Variants in AOAH observed in about 807,000 individuals in gnomAD.
AOAH encodes acyloxyacyl hydrolase.
A neutral mutation model predicts 92.2 loss-of-function variants in AOAH; 64 were observed. The ratio of observed to expected loss-of-function variants is 0.69; its 90% CI spans 0.57 to 0.86. The LOEUF is 0.86. AOAH is among the 40% of genes least tolerant of loss of function. The pLI is 0.00. For synonymous variants in AOAH, 263 were observed against 254.5 expected (o/e 1.03, Z -0.32); for missense variants, 656 against 694.6 (o/e 0.94, Z 0.62).
Position 36,674,160 on chromosome 7 carries a change from T to A in AOAH, c.224-151A>T, listed in dbSNP as rs150276537. On this transcript the variant is annotated intron_variant, in intron 2 of 20. Transcript: ENST00000617537. ...GATTTGAAGGAAATGTTTCAGCTAA[T>A]GTATGCATTAAATATCACTTCTATC... 369 of 592,820 alleles carry A rather than the reference T, an allele frequency of 6.2e-4. 1 individual carries two copies. In the African/African-American group the frequency reaches 6.5e-3, roughly 10 times the overall value. 36.7% of individuals were successfully genotyped at this position (592,820 alleles called of 1,614,324 possible).
At chr7:36,655,669 C>T (rs73689812) in intron 4 of AOAH, among the ~76,000 whole-genome samples, 1 of 152,070 alleles carries the variant, frequency 6.6e-6, no homozygotes, top group Non-Finnish European at 1.5e-5. Flanking sequence ...ATCAGTGAGG[C>T]CTTCACATGA....
At position 36,546,843 on chromosome 7, in the gene AOAH, G is replaced by A. The variant is rs1785834106; in HGVS notation, c.1133+1769C>T. Among the ~76,000 whole-genome samples the A allele has an allele frequency of 2.6e-5, 4 of 152,314 alleles. No homozygotes were observed. In the South Asian group the frequency reaches 8.3e-4, roughly 32 times the overall value. On this transcript the variant is annotated intron_variant, in intron 15 of 20. Coordinates refer to ENST00000617537, the MANE Select transcript of AOAH (RefSeq NM_001637.4). ...TTTCCTCTTCCATTAGCTCCTTGAT[G>A]TCAGGGACTGTGGCTTCTTTGTCAT...
intron 11 of AOAH, among the ~76,000 whole-genome samples, chr7:36,601,646 A>C (rs1790611081): frequency 6.6e-6 from 1 of 152,268 alleles, no homozygotes; most frequent in Non-Finnish European, 1.5e-5. Flanking sequence ...CATGACGTTT[A>C]GACTTGTAAG....
At chr7:36,532,586 T>C (rs1784765331) in intron 16 of AOAH, among the ~76,000 whole-genome samples, 2 of 152,182 alleles carry the variant, frequency 1.3e-5, no homozygotes, top group African/African-American at 2.4e-5. Context: ...GCTGTGGGCA[T>C]GGGCCTGGAT....
chr7:36,569,493 CTAT>C (rs1787948810), intron 13 of AOAH, among the ~76,000 whole-genome samples: 1 of 151,630 alleles, frequency 6.6e-6, no homozygotes, highest in Non-Finnish European at 1.5e-5. Flanking sequence ...ATCTATCTAT[CTAT>C]CTATCTATCT....
chr7:36,658,177 G>T (rs979597204), intron 4 of AOAH, among the ~76,000 whole-genome samples: 1 of 152,022 alleles, frequency 6.6e-6, no homozygotes, highest in African/African-American at 2.4e-5. Flanking sequence ...AAATATACAC[G>T]TTCCTCAGGT....
At chr7:36,526,238 T>C (rs1293080161) in intron 19 of AOAH, among the ~76,000 whole-genome samples, 1 of 152,006 alleles carries the variant, frequency 6.6e-6, no homozygotes. Flanking sequence ...GACTACAACC[T>C]GTTTATTTAC....
At chr7:36,549,350 T>C in intron 14 of AOAH, 89 bp downstream of exon 14, 1 of 1,018,904 alleles carries the variant, frequency 9.8e-7, no homozygotes, top group South Asian at 1.3e-5. Flanking sequence ...TTATGCTCAG[T>C]AAAAATGATT....
chr7:36,722,211 A>G lies in AOAH; in HGVS notation c.127+1811T>C, dbSNP rs574254258. On this transcript the variant is annotated intron_variant, in intron 1 of 20. Coordinates refer to ENST00000617537, the MANE Select transcript of AOAH (RefSeq NM_001637.4). ...TAAAATCATAATACAACAAATGGTT[A>G]TTATTGTAATTTTTGATGCAGCAAT... Among the ~76,000 whole-genome samples the G allele has an allele frequency of 2.0e-5, 3 of 152,330 alleles. No individual in the cohort carries two copies. In the East Asian group the frequency reaches 5.8e-4, roughly 29 times the overall value.
chr7:36,626,413 C>T (rs1428846733), intron 6 of AOAH, among the ~76,000 whole-genome samples: 1 of 152,122 alleles, frequency 6.6e-6, no homozygotes, highest in African/African-American at 2.4e-5. Flanking sequence ...TTTAAAGGCC[C>T]CAAGTGACTG....
At chr7:36,720,384 G>A (rs969893193) in intron 1 of AOAH, among the ~76,000 whole-genome samples, 5 of 151,574 alleles carry the variant, frequency 3.3e-5, no homozygotes, top group African/African-American at 1.2e-4. Context: ...TATTGACCAG[G>A]CAGGTCTCAA....
chr7:36,624,641 C>T (rs1016053212), intron 6 of AOAH, among the ~76,000 whole-genome samples: 11 of 152,208 alleles, frequency 7.2e-5, no homozygotes, highest in East Asian at 1.9e-4. Context: ...GGAGGAGGAG[C>T]GGAGAAGTTG....
chr7:36,581,991 T>G (rs1393433644), intron 12 of AOAH, among the ~76,000 whole-genome samples: 1 of 152,188 alleles, frequency 6.6e-6, no homozygotes, highest in Non-Finnish European at 1.5e-5. Flanking sequence ...TATAATATTT[T>G]GATATGCCTG....
chr7:36,619,555 G>A (rs1310146606), intron 9 of AOAH, among the ~76,000 whole-genome samples: 1 of 152,138 alleles, frequency 6.6e-6, no homozygotes, highest in African/African-American at 2.4e-5. Flanking sequence ...AGCTGACTTG[G>A]GGATCTTGTC....
Position 36,533,850 on chromosome 7 carries a change from G to A in AOAH, c.1307-1506C>T, listed in dbSNP as rs561341245. Among the ~76,000 whole-genome samples the A allele has an allele frequency of 3.9e-5, 6 of 152,230 alleles. No homozygotes were observed. The South Asian group carries it at 8.3e-4, about 21-fold the overall frequency. ...CCTCTGGGGGCTACCACTGAGTTGC[G>A]GCCTTCCGTCTCCCCACCTTCTGTG... is the stretch of plus-strand genomic sequence containing the variant. On this transcript the variant is annotated intron_variant, in intron 16 of 20. Coordinates refer to ENST00000617537, the MANE Select transcript of AOAH (RefSeq NM_001637.4).
intron 12 of AOAH, among the ~76,000 whole-genome samples, chr7:36,588,710 T>C (rs1228151600): frequency 6.6e-6 from 1 of 152,200 alleles, no homozygotes; most frequent in Admixed American, 6.5e-5. Flanking sequence ...TATTCTCTCA[T>C]ATAACATCTA....
chr7:36,552,661 ATC>A (rs1258542657), intron 13 of AOAH, among the ~76,000 whole-genome samples: 1 of 152,142 alleles, frequency 6.6e-6, no homozygotes, highest in South Asian at 2.1e-4. Context: ...CCTCGCCAGC[ATC>A]TGTTTCTTGA....
At chr7:36,556,832 G>C (rs1310793908) in intron 13 of AOAH, among the ~76,000 whole-genome samples, 1 of 147,264 alleles carries the variant, frequency 6.8e-6, no homozygotes, top group Non-Finnish European at 1.5e-5. Flanking sequence ...TTTTCCATTT[G>C]CTTGGTAGAT....
At chr7:36,640,865 A>G (rs1043161835) in intron 4 of AOAH, among the ~76,000 whole-genome samples, 1 of 152,164 alleles carries the variant, frequency 6.6e-6, no homozygotes, top group Non-Finnish European at 1.5e-5. Context: ...AGCCGCTGCA[A>G]TGAGGTAGAA....
Sources: allele counts gnomAD v4.1 joint callset (sites outside exome capture counted in the v4.1 genomes callset), GRCh38; gene constraint gnomAD v4.1.1; transcripts MANE v1.5; gene names NCBI Gene and HGNC (gene_info 2026-07-23, HGNC 2026-07-21).